Variants in CCDC192 observed in about 807,000 individuals in gnomAD.
CCDC192 encodes the protein coiled-coil domain-containing protein 192.
chr5:127,800,233 C>T (rs1404582102), intron 5 of CCDC192, among the ~76,000 whole-genome samples: 1 of 151,756 alleles, frequency 6.6e-6, no homozygotes, highest in Non-Finnish European at 1.5e-5. Context: ...ACTCTCACTC[C>T]CATGCAGACA....
chr5:127,757,970 T>C (rs1487836010), intron 3 of CCDC192, among the ~76,000 whole-genome samples: 1 of 151,896 alleles, frequency 6.6e-6, no homozygotes, highest in Non-Finnish European at 1.5e-5. Context: ...ACCCAAATTA[T>C]GGGCTAGCCG....
chr5:127,716,913 C>T (rs1466505504), intron 2 of CCDC192, among the ~76,000 whole-genome samples: 1 of 152,178 alleles, frequency 6.6e-6, no homozygotes, highest in African/African-American at 2.4e-5. Flanking sequence ...TCCAATAAGC[C>T]TTCTGCAGCA....
intron 5 of CCDC192, among the ~76,000 whole-genome samples, chr5:127,851,247 A>G (rs1750782643): frequency 6.6e-6 from 1 of 152,196 alleles, no homozygotes. Flanking sequence ...TTAGGAAATT[A>G]TTCTAAAATG....
intron 3 of CCDC192, among the ~76,000 whole-genome samples, chr5:127,795,825 A>C (rs1015491909): frequency 3.9e-5 from 6 of 151,970 alleles, no homozygotes; most frequent in African/African-American, 1.5e-4. Context: ...ATTACACTAT[A>C]CTGTGTCTCT....
chr5:127,818,331 G>A (rs556329577), intron 5 of CCDC192, among the ~76,000 whole-genome samples: 1 of 152,236 alleles, frequency 6.6e-6, no homozygotes, highest in Non-Finnish European at 1.5e-5. Context: ...GTCATCTAAT[G>A]CAGAGGTTTT....
chr5:127,838,123 T>A (rs1750114245), intron 5 of CCDC192, among the ~76,000 whole-genome samples: 1 of 152,242 alleles, frequency 6.6e-6, no homozygotes, highest in Non-Finnish European at 1.5e-5. Context: ...AGCAATCCTG[T>A]TCAGTCTTCT....
intron 3 of CCDC192, among the ~76,000 whole-genome samples, chr5:127,763,531 A>G (rs1331403207): frequency 1.3e-5 from 2 of 152,190 alleles, no homozygotes; most frequent in African/African-American, 4.8e-5. Context: ...TGAAGGTTCT[A>G]TAACAAAGAT....
intron 3 of CCDC192, among the ~76,000 whole-genome samples, chr5:127,764,146 T>G (rs557660363): frequency 9.2e-5 from 14 of 152,272 alleles, no homozygotes; most frequent in African/African-American, 3.1e-4. Flanking sequence ...CATTATACAT[T>G]TGGAGTTGAC....
At chr5:127,828,281 AG>A (rs1307727204) in intron 5 of CCDC192, among the ~76,000 whole-genome samples, 1 of 152,230 alleles carries the variant, frequency 6.6e-6, no homozygotes, top group African/African-American at 2.4e-5. Context: ...AGAAATTTAA[AG>A]CATCCTTCAA....
intron 2 of CCDC192, among the ~76,000 whole-genome samples, chr5:127,708,889 G>A (rs248719): frequency 0.31 from 47,395 of 151,596 alleles, 8,246 homozygotes; most frequent in Middle Eastern, 0.42. Context: ...TTGGAATCCC[G>A]GCATCACTAG....
At chr5:127,912,776 G>A (rs56980108) in intron 6 of CCDC192, among the ~76,000 whole-genome samples, 4 of 152,212 alleles carry the variant, frequency 2.6e-5, no homozygotes, top group African/African-American at 4.8e-5. Flanking sequence ...CTCTCAATGA[G>A]TTCCACAACG....
chr5:127,876,353 C>A (rs1212304181), intron 6 of CCDC192, among the ~76,000 whole-genome samples: 2 of 152,156 alleles, frequency 1.3e-5, no homozygotes, highest in African/African-American at 4.8e-5. Flanking sequence ...CATTCCATGT[C>A]TATTTAATTC....
At chr5:127,890,289 A>G (rs998822006) in intron 6 of CCDC192, among the ~76,000 whole-genome samples, 3 of 151,996 alleles carry the variant, frequency 2.0e-5, no homozygotes, top group Non-Finnish European at 4.4e-5. Context: ...AAATGGGAGG[A>G]TCACTTGAGC....
At chr5:127,731,973 A>AAAGCAATTG (rs1328994205) in intron 2 of CCDC192, among the ~76,000 whole-genome samples, 1 of 151,072 alleles carries the variant, frequency 6.6e-6, no homozygotes, top group Admixed American at 6.6e-5. Flanking sequence ...TAAAACATCA[A>AAAGCAATTG]CAACAAAAAT....
At position 127,849,590 on chromosome 5, in the gene CCDC192, T is replaced by G. The variant is rs541013948; in HGVS notation, c.412-25948T>G. Among the ~76,000 whole-genome samples the G allele has an allele frequency of 2.0e-5, 3 of 152,322 alleles. No homozygotes were observed. The East Asian group carries it at 5.8e-4, about 29-fold the overall frequency. ...CCTAAATACCATCATTAGAGATTCATATTTTTGGCCTTAGGCTCCTAAAGC... is the reference window on the plus strand; with the variant it reads ...CCTAAATACCATCATTAGAGATTCAGATTTTTGGCCTTAGGCTCCTAAAGC... On this transcript the variant is annotated intron_variant, in intron 5 of 6. Transcript: ENST00000514853.
intron 4 of CCDC192, among the ~76,000 whole-genome samples, chr5:127,797,768 TA>T (rs1561494230): frequency 0.012 from 216 of 17,954 alleles, 1 homozygote; most frequent in Middle Eastern, 0.033. Context: ...TATATATATA[TA>T]TATATATATT....
At chr5:127,901,095 AC>A (rs1359573765) in intron 6 of CCDC192, among the ~76,000 whole-genome samples, 1 of 152,220 alleles carries the variant, frequency 6.6e-6, no homozygotes, top group Non-Finnish European at 1.5e-5. Flanking sequence ...GTGGGACATG[AC>A]TTAAATTATA....
intron 3 of CCDC192, chr5:127,786,913 C>T (rs756486822): frequency 1.4e-5 from 6 of 421,002 alleles, no homozygotes; most frequent in Non-Finnish European, 2.7e-5. Flanking sequence ...GTGTGGAGCT[C>T]CATGTATCTG....
chr5:127,887,343 A>AAAAG (rs1267925065), intron 6 of CCDC192, among the ~76,000 whole-genome samples: 1 of 151,634 alleles, frequency 6.6e-6, no homozygotes, highest in Non-Finnish European at 1.5e-5. Flanking sequence ...AAAAAAAAAA[A>AAAAG]AAAAAATCCC....
Sources: allele counts gnomAD v4.1 joint callset (sites outside exome capture counted in the v4.1 genomes callset), GRCh38; gene constraint gnomAD v4.1.1; transcripts MANE v1.5; gene names NCBI Gene and HGNC (gene_info 2026-07-23, HGNC 2026-07-21).